LCT: variants seen among roughly 807,000 people sequenced by gnomAD.
The protein encoded by LCT is lactase.
LCT carries 90 observed loss-of-function variants against 173.0 expected under a neutral mutation model. The ratio of observed to expected loss-of-function variants is 0.52; its 90% CI spans 0.44 to 0.62. The LOEUF is 0.62. Among genes scored for constraint, LCT ranks in the 20% least tolerant of loss-of-function variants. The probability of loss-of-function intolerance (pLI) is 0.00; values close to 1 mark genes in which losing one functional copy is unlikely to be tolerated. For synonymous variants in LCT, 853 were observed against 957.6 expected, an observed-to-expected ratio of 0.89 and a Z score of 2.02; for missense variants, 1,864 against 2,431.4, an observed-to-expected ratio of 0.77 and a Z score of 4.91.
chr2:135,836,005 T>TATATATATATATATATATAC (rs1558748623), intron 1 of LCT, among the ~76,000 whole-genome samples: 10 of 18,394 alleles, frequency 5.4e-4, no homozygotes, highest in African/African-American at 7.5e-4. Flanking sequence ...TATATATATA[T>TATATATATATATATATATAC]ATATATATAT....
In LCT at chr2:135,821,349, C is replaced by T. The variant is rs960100299; in HGVS notation, c.986+671G>A. On this transcript the variant is annotated intron_variant, in intron 5 of 16. Transcript: ENST00000264162. ...CTGGCTTTCCTGTCTATGCTGTCTC[C>T]TTCCAGGGAGGATGTTTCACCCTTC... Among the ~76,000 whole-genome samples, 4 of 152,184 alleles carry T rather than the reference C, an allele frequency of 2.6e-5. No individual in the cohort carries two copies. In the East Asian group the frequency reaches 5.8e-4, roughly 22 times the overall value.
At chr2:135,801,981 A>G (rs1219188188) in intron 11 of LCT, among the ~76,000 whole-genome samples, 2 of 152,122 alleles carry the variant, frequency 1.3e-5, no homozygotes, top group Non-Finnish European at 2.9e-5. Context: ...AAATGAATTG[A>G]CAGGAGTTGA....
At chr2:135,810,251 C>T (rs2077723838) in intron 7 of LCT, 1 of 431,566 alleles carries the variant, frequency 2.3e-6, no homozygotes, top group Admixed American at 3.9e-5. Context: ...GAACAGTCAA[C>T]TGAGATAAGT....
rs774807394 is a variant in LCT, at chr2:135,817,656, C to A, written c.1392G>T (p.Gly464=). ...SISWSRIFPM[G]HGSSPSLPGV... ...CTGGGAGGCTGGGGCTGCTCCCGTG[C>A]CCCATGGGGAAGATCCGGGACCAGG... The change falls in exon 6 of 17, where the codon GGG becomes GGT. Residue 464 remains glycine (G), a synonymous_variant. Transcript: ENST00000264162. 13 of 1,613,768 alleles carry A rather than the reference C, an allele frequency of 8.1e-6. No individual in the cohort carries two copies. The African/African-American group carries it at 1.6e-4, about 20-fold the overall frequency.
At position 135,804,060 on chromosome 2, in the gene LCT, G is replaced by A. The variant is rs1432947088; in HGVS notation, c.4533C>T (p.Ile1511=). The change falls in exon 11 of 17, where the codon ATC becomes ATT. Residue 1511 remains isoleucine, a synonymous_variant. Transcript: ENST00000264162. ...CTGCATACTCCTTAAACCGCTGCAC[G>A]ATGGTCTCATTCTCCCAGCCTCCTA... is the stretch of plus-strand genomic sequence containing the variant. ...QDVGGWENET[I]VQRFKEYADV... 1.9e-6 allele frequency: 3 copies of A among 1,614,074 alleles called. No individual in the cohort carries two copies. The highest frequency in any genetic ancestry group is 2.2e-5 in the East Asian group (1 of 44,870).
At chr2:135,819,641 C>T (rs2077811432) in intron 5 of LCT, among the ~76,000 whole-genome samples, 2 of 152,222 alleles carry the variant, frequency 1.3e-5, no homozygotes, top group Admixed American at 1.3e-4. Flanking sequence ...CTGTTTCACT[C>T]AGCATCAACT....
At position 135,836,903 on chromosome 2, in the gene LCT, T is replaced by C. The variant is rs1435603642; in HGVS notation, c.267A>G (p.Val89=). 2 of 1,614,134 alleles carry C rather than the reference T, an allele frequency of 1.2e-6. No individual in the cohort carries two copies. Among genetic ancestry groups the C allele is most frequent in the Middle Eastern group, 1.6e-4 (1 of 6,062 alleles). The part of the protein sequence containing the change: ...LHASQITHYK[V]FLSWAQLLPA... The stretch of plus-strand genomic sequence containing the variant: ...GGAGGAGCTGTGCCCATGACAGAAA[T>C]ACCTTATAATGGGTGATCTGACTGG... The change falls in exon 1 of 17, where the codon GTA becomes GTG. Residue 89 remains valine, a synonymous_variant. Transcript: ENST00000264162.
At chr2:135,835,481 A>AGTAT in intron 1 of LCT, among the ~76,000 whole-genome samples, 1 of 60,352 alleles carries the variant, frequency 1.7e-5, no homozygotes, top group South Asian at 6.1e-4. Context: ...AGAACATAGA[A>AGTAT]GTATATATAT....
chr2:135,834,567 C>G (rs1169110364), intron 1 of LCT, among the ~76,000 whole-genome samples: 1 of 149,380 alleles, frequency 6.7e-6, no homozygotes, highest in Admixed American at 6.6e-5. Flanking sequence ...GCGGGCGGAT[C>G]ACCTGAGATC....
Position 135,808,725 on chromosome 2 carries a change from T to C in LCT, c.3622A>G (p.Thr1208Ala), listed in dbSNP as rs2077699860. The C allele has an allele frequency of 6.2e-7, 1 of 1,614,010 alleles. No homozygotes were observed. The highest frequency in any genetic ancestry group is 8.5e-7 in the Non-Finnish European group (1 of 1,180,010). Residue 1208 changes from threonine (T) to alanine (A), a missense_variant, in exon 8 of 17, where the codon ACG (threonine) becomes GCG (alanine). Around this residue, in one of 4 missense-constraint regions of LCT, gnomAD observed 755 missense variants for 926.3 expected, o/e 0.82. Transcript: ENST00000264162. ...RATADVFCLN[T>A]YYSRIVQHKT... ...TGCTGCACGATTCTGGAGTAGTACGTGTTGAGGCAGAAGACGTCGGCCGTC... is the reference window on the plus strand; with the variant it reads ...TGCTGCACGATTCTGGAGTAGTACGCGTTGAGGCAGAAGACGTCGGCCGTC...
At chr2:135,834,241 A>G (rs2077964191) in intron 1 of LCT, among the ~76,000 whole-genome samples, 1 of 151,920 alleles carries the variant, frequency 6.6e-6, no homozygotes, top group African/African-American at 2.4e-5. Flanking sequence ...GCTGGAGTGC[A>G]ATGGCGCAGT....
At position 135,822,078 on chromosome 2, in the gene LCT, G is replaced by C; in HGVS notation, c.928C>G (p.Leu310Val). The change falls in exon 5 of 17, where the codon CTC becomes GTC. Residue 310 changes from leucine to valine, a missense_variant. Physicochemically the swap from Leu to Val is conservative, Grantham distance 32 (BLOSUM62 1). This residue lies in a region of LCT where 412 missense variants were observed against 462.0 expected (regional missense o/e 0.89). Coordinates refer to ENST00000264162, the MANE Select transcript of LCT (RefSeq NM_002299.4). ...LFEAINKDQVLTIGFDINEFL... is the reference protein window; with the variant it reads ...LFEAINKDQVVTIGFDINEFL... ...TCATTAATATCAAACCCAATGGTGA[G>C]CACTTGGTCTTTATTTATGGCTGTA... 6.2e-7 allele frequency: 1 copy of C among 1,602,586 alleles called. No individual in the cohort carries two copies. The highest frequency in any genetic ancestry group is 1.1e-5 in the South Asian group (1 of 90,898).
At chr2:135,814,104 G>C (rs933081697) in intron 6 of LCT, among the ~76,000 whole-genome samples, 1 of 152,198 alleles carries the variant, frequency 6.6e-6, no homozygotes, top group Non-Finnish European at 1.5e-5. Flanking sequence ...TCAGAGAGCA[G>C]GAGTGAGCTT....
At chr2:135,819,756 C>T (rs1327365424) in intron 5 of LCT, among the ~76,000 whole-genome samples, 1 of 152,172 alleles carries the variant, frequency 6.6e-6, no homozygotes, top group African/African-American at 2.4e-5. Flanking sequence ...GTGTCGCGTC[C>T]CCTCGGTGCT....
At chr2:135,829,533 A>G in intron 3 of LCT, 60 bp downstream of exon 3, 2 of 1,232,606 alleles carry the variant, frequency 1.6e-6, no homozygotes, top group East Asian at 2.3e-5. Flanking sequence ...TTAAATGTCT[A>G]ATCTGCTCTC....
chr2:135,795,347 A>G (rs2077573687), intron 13 of LCT, among the ~76,000 whole-genome samples: 1 of 151,976 alleles, frequency 6.6e-6, no homozygotes, highest in African/African-American at 2.4e-5. Flanking sequence ...AGCTGGGACT[A>G]CAAGCGCCTG....
chr2:135,801,829 C>T (rs898647921), intron 11 of LCT, among the ~76,000 whole-genome samples: 10 of 151,970 alleles, frequency 6.6e-5, no homozygotes, highest in Non-Finnish European at 1.0e-4. Flanking sequence ...CTGTCTTGGC[C>T]TCCCAAAGTG....
At position 135,836,750 on chromosome 2, in the gene LCT, G is replaced by A; in HGVS notation, c.420C>T (p.Thr140=). The A allele has an allele frequency of 1.2e-6, 2 of 1,614,178 alleles. No homozygotes were observed. The highest frequency in any genetic ancestry group is 2.7e-5 in the African/African-American group (2 of 75,038). ...ILHHQTLPAS[T]LRRTEAFADL... ...CAGCAAAGGCTTCGGTTCTCCGGAG[G>A]GTGCTGGCAGGGAGGGTCTGGTGGT... Residue 140 remains threonine (T), a synonymous_variant, in exon 1 of 17, where the codon ACC becomes ACT. Transcript: ENST00000264162.
rs140159081 is a variant in LCT, at chr2:135,796,143, G to T, written c.4977-1368C>A. ...AACCTGACTAATACACTTGTGTGCA[G>T]CATGTACAGGTGATCCTGAATGCAT... On this transcript the variant is annotated intron_variant, in intron 13 of 16. Coordinates refer to ENST00000264162, the MANE Select transcript of LCT (RefSeq NM_002299.4). Among the ~76,000 whole-genome samples, 1,025 of 152,336 alleles carry T rather than the reference G, an allele frequency of 6.7e-3. 4 individuals carry two copies. Among genetic ancestry groups the T allele is most frequent in the Middle Eastern group, 0.037 (11 of 294 alleles).
Sources: allele counts gnomAD v4.1 joint callset (sites outside exome capture counted in the v4.1 genomes callset), GRCh38; gene constraint gnomAD v4.1.1; regional missense constraint gnomAD v4.1.1; transcripts MANE v1.5; gene names NCBI Gene and HGNC (gene_info 2026-07-23, HGNC 2026-07-21).